C6: variants seen among roughly 807,000 people sequenced by gnomAD.
C6 encodes the protein complement component C6.
C6 carries 101 observed loss-of-function variants against 112.9 expected under a neutral mutation model. That is an observed-to-expected ratio of 0.89 (90% CI 0.76 to 1.06). The LOEUF (loss-of-function observed/expected upper bound fraction) is 1.06. Among genes scored for constraint, C6 ranks in the 50% least tolerant of loss-of-function variants. The probability of loss-of-function intolerance (pLI) is 0.00; values close to 1 mark genes in which losing one functional copy is unlikely to be tolerated. For missense variants in C6, 1,202 were observed against 1,104.6 expected (o/e 1.09, Z -1.25); for synonymous variants, 431 against 384.1 (o/e 1.12, Z -1.43).
At chr5:41,194,649 G>A (rs1468497179) in intron 5 of C6, among the ~76,000 whole-genome samples, 1 of 152,168 alleles carries the variant, frequency 6.6e-6, no homozygotes, top group Admixed American at 6.6e-5. Context: ...CAAACTATCT[G>A]CCTTCTGGCC....
At chr5:41,211,645 C>G (rs1390871370) in intron 1 of C6, among the ~76,000 whole-genome samples, 1 of 152,048 alleles carries the variant, frequency 6.6e-6, no homozygotes, top group Non-Finnish European at 1.5e-5. Flanking sequence ...CTATACCCTT[C>G]ACCCTTGCCC....
At chr5:41,191,206 A>G (rs994373193) in intron 5 of C6, among the ~76,000 whole-genome samples, 6 of 151,300 alleles carry the variant, frequency 4.0e-5, no homozygotes, top group Non-Finnish European at 7.4e-5. Flanking sequence ...AGCTGGGACT[A>G]CAGATGCCCA....
intron 1 of C6, among the ~76,000 whole-genome samples, chr5:41,234,705 T>C (rs1301692482): frequency 6.6e-6 from 1 of 152,166 alleles, no homozygotes; most frequent in Non-Finnish European, 1.5e-5. Flanking sequence ...ATTGCTGTAC[T>C]GTGGTGACTA....
At chr5:41,171,899 TTA>T (rs1445537839) in intron 9 of C6, among the ~76,000 whole-genome samples, 6 of 152,172 alleles carry the variant, frequency 3.9e-5, no homozygotes, top group Non-Finnish European at 7.3e-5. Context: ...TAATGGATGT[TTA>T]TATGTTTCTT....
At position 41,161,120 on chromosome 5, in the gene C6, C is replaced by T. The variant is rs544753404; in HGVS notation, c.1458+573G>A. ...CATTTAAATGAAATGAACATAACAG[C>T]TTCTTTGGAGGCCTTTTAAAAATAT... On this transcript the variant is annotated intron_variant, in intron 10 of 17. Transcript: ENST00000337836. Among the ~76,000 whole-genome samples, 8 of 152,104 alleles carry T rather than the reference C, an allele frequency of 5.3e-5. No homozygotes were observed. The East Asian group carries it at 9.7e-4, about 18-fold the overall frequency.
At chr5:41,172,692 T>C (rs1236857299) in intron 8 of C6, 1 of 394,424 alleles carries the variant, frequency 2.5e-6, no homozygotes, top group East Asian at 6.0e-5. Context: ...AATGGAGCTT[T>C]AAGCTCTCCC....
upstream of C6, among the ~76,000 whole-genome samples, chr5:41,214,681 ATG>A (rs1448419596): frequency 6.6e-6 from 1 of 152,178 alleles, no homozygotes; most frequent in East Asian, 1.9e-4. Flanking sequence ...ACAAGAATAT[ATG>A]TCATTTAATT....
intron 8 of C6, 151 bp downstream of exon 8, chr5:41,176,324 A>T: frequency 1.3e-6 from 1 of 782,780 alleles, no homozygotes; most frequent in South Asian, 1.9e-5. Context: ...ATTTATTTGA[A>T]TGTGTATTTT....
chr5:41,207,826 G>A (rs1011120772), intron 1 of C6, among the ~76,000 whole-genome samples: 1 of 152,148 alleles, frequency 6.6e-6, no homozygotes, highest in Non-Finnish European at 1.5e-5. Flanking sequence ...CAACAAGACA[G>A]AAAGTTAACA....
At chr5:41,204,783 C>A (rs1270050857) in intron 1 of C6, among the ~76,000 whole-genome samples, 1 of 150,984 alleles carries the variant, frequency 6.6e-6, no homozygotes, top group East Asian at 2.0e-4. Flanking sequence ...CATTCTCCTG[C>A]CTCAGCCTCC....
chr5:41,215,120 C>G (rs146260236), upstream of C6, among the ~76,000 whole-genome samples: 14 of 152,174 alleles, frequency 9.2e-5, no homozygotes, highest in East Asian at 1.7e-3. Context: ...GATTGGTAAA[C>G]TAGCCTGATG....
intron 17 of C6, among the ~76,000 whole-genome samples, chr5:41,148,990 G>T (rs115172063): frequency 1.3e-5 from 2 of 152,272 alleles, no homozygotes; most frequent in African/African-American, 4.8e-5. Context: ...TCCCACTGGG[G>T]CCTAAGGGTG....
intron 1 of C6, among the ~76,000 whole-genome samples, chr5:41,254,022 T>C (rs759351895): frequency 1.3e-5 from 2 of 152,238 alleles, no homozygotes; most frequent in South Asian, 4.1e-4. Context: ...TATTTATTAA[T>C]AGTACATGTT....
rs750321091 is a variant in C6, at chr5:41,149,350, T to G, written c.2514A>C (p.Gln838His). The change falls in exon 17 of 18, where the codon CAA becomes CAC. Residue 838 changes from glutamine (Q) to histidine (H), a missense_variant. By Grantham distance (24) the Gln-to-His change is conservative. Coordinates refer to ENST00000337836, the MANE Select transcript of C6 (RefSeq NM_000065.5). ...QLHFLHIGSC[Q>H]DGRQLEWGLE... ...GACCCCATTCTAACTGGCGGCCGTC[T>G]TGGCAGGAACCAATATGTAGAAAAT... 1 of 1,614,132 alleles carries G rather than the reference T, an allele frequency of 6.2e-7. No homozygotes were observed. The highest frequency in any genetic ancestry group is 8.5e-7 in the Non-Finnish European group (1 of 1,179,992).
chr5:41,173,000 G>T (rs1322151920), intron 8 of C6, among the ~76,000 whole-genome samples: 1 of 152,076 alleles, frequency 6.6e-6, no homozygotes, highest in African/African-American at 2.4e-5. Flanking sequence ...CCTGACCTAT[G>T]AATTATTTTC....
rs561157910 is a variant in C6, at chr5:41,181,281, C to T, written c.927+78G>A. 200 of 1,308,994 alleles carry T rather than the reference C, an allele frequency of 1.5e-4. 3 individuals carry two copies. Among genetic ancestry groups the T allele is most frequent in the South Asian group, 1.2e-3 (101 of 83,892 alleles). 81.1% of individuals were successfully genotyped at this position (1,308,994 alleles called of 1,614,324 possible). ...CATACTGGTACAATATCAAAACTCTCCCCTTCTTATTGCATGATTACTGGA... is the reference window on the plus strand; with the variant it reads ...CATACTGGTACAATATCAAAACTCTTCCCTTCTTATTGCATGATTACTGGA... On this transcript the variant is annotated intron_variant, in intron 7 of 17. Transcript: ENST00000337836.
chr5:41,146,138 C>G (rs192606427), intron 17 of C6, among the ~76,000 whole-genome samples: 9 of 152,282 alleles, frequency 5.9e-5, no homozygotes, highest in Admixed American at 5.2e-4. Context: ...AAACCATCAT[C>G]ATGGCTGCTA....
chr5:41,220,078 A>C (rs1739074784), intron 1 of C6, among the ~76,000 whole-genome samples: 1 of 152,208 alleles, frequency 6.6e-6, no homozygotes, highest in African/African-American at 2.4e-5. Context: ...TGATGACAAG[A>C]AATAGTCTCA....
intron 4 of C6, among the ~76,000 whole-genome samples, chr5:41,196,983 G>C (rs1232981017): frequency 6.6e-6 from 1 of 152,094 alleles, no homozygotes; most frequent in Non-Finnish European, 1.5e-5. Flanking sequence ...AGTATGTACA[G>C]GTCCAACTGA....
Sources: allele counts gnomAD v4.1 joint callset (sites outside exome capture counted in the v4.1 genomes callset), GRCh38; gene constraint gnomAD v4.1.1; transcripts MANE v1.5; gene names NCBI Gene and HGNC (gene_info 2026-07-23, HGNC 2026-07-21).